NAALADL2: variants seen among roughly 807,000 people sequenced by gnomAD.
The protein encoded by NAALADL2 is N-acetylated alpha-linked acidic dipeptidase like 2, also known as inactive N-acetylated-alpha-linked acidic dipeptidase-like protein 2.
In NAALADL2, 76 loss-of-function variants were observed where a neutral mutation model predicts 87.2. The ratio of observed to expected loss-of-function variants is 0.87; its 90% CI spans 0.72 to 1.05. NAALADL2 has a LOEUF of 1.05. Ranked by LOEUF, NAALADL2 falls within the 50% of genes least tolerant of loss-of-function variation. The pLI, the probability that NAALADL2 is intolerant of heterozygous loss-of-function variation, is 0.00. For missense variants in NAALADL2, 1,089 were observed against 945.8 expected (o/e 1.15, Z -1.99); for synonymous variants, 354 against 331.0 (o/e 1.07, Z -0.75).
chr3:175,591,652 G>A (rs1721464393), intron 10 of NAALADL2, among the ~76,000 whole-genome samples: 1 of 151,826 alleles, frequency 6.6e-6, no homozygotes, highest in Non-Finnish European at 1.5e-5. Flanking sequence ...GAAGTTCAGT[G>A]CCAAGTAATT....
chr3:175,308,564 C>G (rs142431390), intron 4 of NAALADL2, among the ~76,000 whole-genome samples: 44 of 152,252 alleles, frequency 2.9e-4, no homozygotes, highest in African/African-American at 9.9e-4. Flanking sequence ...CAGTGAATGT[C>G]TTGTTCAAAA....
At chr3:175,073,289 T>A (rs1275392317) in intron 1 of NAALADL2, among the ~76,000 whole-genome samples, 1 of 152,092 alleles carries the variant, frequency 6.6e-6, no homozygotes, top group Admixed American at 6.6e-5. Flanking sequence ...TTGTTTGCTG[T>A]TAGAGTTGCC....
chr3:174,465,640 C>T (rs1370205440), intron 1 of NAALADL2, among the ~76,000 whole-genome samples: 2 of 152,072 alleles, frequency 1.3e-5, no homozygotes, highest in African/African-American at 2.4e-5. Flanking sequence ...TGAACTACAG[C>T]ATAGTTTTTC....
chr3:175,123,334 A>G (rs1330190919), intron 2 of NAALADL2, among the ~76,000 whole-genome samples: 2 of 151,942 alleles, frequency 1.3e-5, no homozygotes, highest in African/African-American at 2.4e-5. Flanking sequence ...GGATGGTGGT[A>G]CTAATAGATG....
intron 1 of NAALADL2, among the ~76,000 whole-genome samples, chr3:175,022,480 T>C (rs184084081): frequency 2.4e-4 from 37 of 152,172 alleles, no homozygotes; most frequent in African/African-American, 8.4e-4. Flanking sequence ...ATGCCATTAA[T>C]GTCTTCTCAA....
chr3:175,515,356 A>C (rs1731690977), intron 9 of NAALADL2, among the ~76,000 whole-genome samples: 1 of 152,122 alleles, frequency 6.6e-6, no homozygotes, highest in Admixed American at 6.5e-5. Context: ...CTCTGCAATC[A>C]TTGAGAGACT....
chr3:175,462,806 G>A (rs1723346851), intron 6 of NAALADL2, among the ~76,000 whole-genome samples: 1 of 152,166 alleles, frequency 6.6e-6, no homozygotes, highest in Non-Finnish European at 1.5e-5. Flanking sequence ...AAAAGGTAGA[G>A]CGATTAGTAC....
At chr3:175,458,510 T>C (rs890388738) in intron 6 of NAALADL2, among the ~76,000 whole-genome samples, 2 of 147,788 alleles carry the variant, frequency 1.4e-5, no homozygotes, top group Admixed American at 6.8e-5. Context: ...TTAATATAAA[T>C]TCATATGTTC....
At chr3:175,657,579 GTT>G (rs368302045) in intron 11 of NAALADL2, among the ~76,000 whole-genome samples, 1 of 141,108 alleles carries the variant, frequency 7.1e-6, no homozygotes, top group Non-Finnish European at 1.6e-5. Context: ...TCATTTTACT[GTT>G]TTTTTTTTTT....
intron 11 of NAALADL2, among the ~76,000 whole-genome samples, chr3:175,657,874 C>T (rs1731711614): frequency 6.6e-6 from 1 of 151,946 alleles, no homozygotes; most frequent in Non-Finnish European, 1.5e-5. Flanking sequence ...CCGTGCCTGG[C>T]CTCATTTTAC....
At chr3:174,594,647 G>A (rs1043699077) in intron 2 of NAALADL2, among the ~76,000 whole-genome samples, 1 of 152,140 alleles carries the variant, frequency 6.6e-6, no homozygotes, top group Non-Finnish European at 1.5e-5. Context: ...ATATAGCATC[G>A]TATTTTTCAG....
chr3:174,760,817 A>G (rs948970476), intron 3 of NAALADL2, among the ~76,000 whole-genome samples: 2 of 152,246 alleles, frequency 1.3e-5, no homozygotes, highest in African/African-American at 4.8e-5. Context: ...TAAACCAAAC[A>G]CTTGTTTTGA....
chr3:174,907,370 T>C (rs561099704), intron 1 of NAALADL2, among the ~76,000 whole-genome samples: 1 of 152,250 alleles, frequency 6.6e-6, no homozygotes, highest in South Asian at 2.1e-4. Flanking sequence ...GATTCCTTGA[T>C]CATAAATTTA....
chr3:174,977,964 T>C (rs1029209500), intron 1 of NAALADL2, among the ~76,000 whole-genome samples: 2 of 152,236 alleles, frequency 1.3e-5, no homozygotes, highest in Non-Finnish European at 2.9e-5. Flanking sequence ...TTTCTAAAAA[T>C]ATTGAGGTTC....
rs1423051097 is a variant in NAALADL2, at chr3:175,411,012, T to C, written c.1091-36217T>C. Reference sequence around the variant, plus strand: ...CATAAAGTCCTTTTGGATGCGGTGTTATAGGACCATTAGACGGGCAAAAGA... The same window carrying C: ...CATAAAGTCCTTTTGGATGCGGTGTCATAGGACCATTAGACGGGCAAAAGA... On this transcript the variant is annotated intron_variant, in intron 5 of 13. Coordinates refer to ENST00000454872, the MANE Select transcript of NAALADL2 (RefSeq NM_207015.3). 2.6e-5 allele frequency among the ~76,000 whole-genome samples: 4 copies of C among 152,128 alleles called. No homozygotes were observed. In the East Asian group the frequency reaches 7.7e-4, roughly 29 times the overall value.
At chr3:175,623,607 C>T (rs768867571) in intron 10 of NAALADL2, among the ~76,000 whole-genome samples, 3 of 151,906 alleles carry the variant, frequency 2.0e-5, no homozygotes, top group Non-Finnish European at 4.4e-5. Context: ...GTTTCTCTAA[C>T]AGAGAGAAGA....
At chr3:174,889,194 A>C (rs1416636256) in intron 1 of NAALADL2, among the ~76,000 whole-genome samples, 1 of 152,140 alleles carries the variant, frequency 6.6e-6, no homozygotes, top group Admixed American at 6.5e-5. Flanking sequence ...AGAAAATTCA[A>C]GGTATTTATA....
At chr3:175,344,226 A>G (rs1037701919) in intron 5 of NAALADL2, among the ~76,000 whole-genome samples, 10 of 152,062 alleles carry the variant, frequency 6.6e-5, no homozygotes, top group Non-Finnish European at 1.2e-4. Flanking sequence ...AAAAATCAGC[A>G]TTTCTTTCAA....
At chr3:174,644,926 G>A (rs1209059625) in intron 2 of NAALADL2, among the ~76,000 whole-genome samples, 1 of 152,212 alleles carries the variant, frequency 6.6e-6, no homozygotes, top group African/African-American at 2.4e-5. Context: ...TTCTGAAAGA[G>A]CATGATGCGA....
Sources: gnomAD v4.1 joint callset for allele counts (sites outside exome capture counted in the v4.1 genomes callset) on GRCh38, gnomAD v4.1.1 for gene constraint, MANE v1.5 for transcripts, NCBI Gene and HGNC (gene_info 2026-07-23, HGNC 2026-07-21) for gene names.